The following BCL2L13 variants were observed in gnomAD, a reference collection of about 807,000 sequenced individuals.
BCL2L13 encodes the protein bcl-2-like protein 13.
A neutral mutation model predicts 25.8 loss-of-function variants in BCL2L13; 13 were observed. The observed-to-expected ratio is 0.50, with a 90% CI of 0.33 to 0.80. The LOEUF is 0.80. Among genes scored for constraint, BCL2L13 ranks in the 30% least tolerant of loss-of-function variants. The pLI is 0.02. For synonymous variants in BCL2L13, 244 were observed against 230.3 expected, an observed-to-expected ratio of 1.06 and a Z score of -0.54; for missense variants, 504 against 574.9, an observed-to-expected ratio of 0.88 and a Z score of 1.26.
At chr22:17,646,949 ATATATATTTTTTTT>A (rs2058504347) in intron 1 of BCL2L13, among the ~76,000 whole-genome samples, 3 of 22,962 alleles carry the variant, frequency 1.3e-4, no homozygotes, top group African/African-American at 5.4e-4. Flanking sequence ...ATATATATAT[ATATATATTTTTTTT>A]TTTTTTTTTT....
chr22:17,637,039 G>C (rs1458577575), upstream of BCL2L13, among the ~76,000 whole-genome samples: 2 of 151,998 alleles, frequency 1.3e-5, no homozygotes, highest in African/African-American at 4.8e-5. Context: ...TTGGGAGGCT[G>C]AGGCAGGCGG....
chr22:17,662,207 G>T (rs2059089446), intron 2 of BCL2L13, among the ~76,000 whole-genome samples: 1 of 152,160 alleles, frequency 6.6e-6, no homozygotes, highest in Non-Finnish European at 1.5e-5. Context: ...GGCTGCGCGT[G>T]GTGGCTCACG....
At chr22:17,668,838 G>T (rs1324951276) in intron 2 of BCL2L13, among the ~76,000 whole-genome samples, 2 of 152,052 alleles carry the variant, frequency 1.3e-5, no homozygotes, top group East Asian at 3.9e-4. Flanking sequence ...ATAGTACTGT[G>T]GTTTCAGTGT....
intron 6 of BCL2L13, among the ~76,000 whole-genome samples, chr22:17,707,409 A>AT (rs2060622667): frequency 6.6e-6 from 1 of 152,210 alleles, no homozygotes; most frequent in South Asian, 2.1e-4. Flanking sequence ...GGCCTCAGAA[A>AT]TATAAAACTA....
At chr22:17,691,678 T>G (rs553876479) in intron 4 of BCL2L13, among the ~76,000 whole-genome samples, 4 of 152,290 alleles carry the variant, frequency 2.6e-5, no homozygotes, top group African/African-American at 9.6e-5. Flanking sequence ...TTTTCCAAAT[T>G]TGATACAGAC....
intron 4 of BCL2L13, 113 bp downstream of exon 4, chr22:17,689,255 A>G: frequency 1.1e-6 from 1 of 885,024 alleles, no homozygotes; most frequent in Non-Finnish European, 1.6e-6. Flanking sequence ...TTCTTTTCTC[A>G]CTTTTCTTTA....
intron 6 of BCL2L13, among the ~76,000 whole-genome samples, chr22:17,711,450 A>G (rs1042915875): frequency 6.6e-6 from 1 of 151,690 alleles, no homozygotes; most frequent in African/African-American, 2.4e-5. Context: ...GGCATGCACC[A>G]CCACACTCAA....
chr22:17,679,160 G>A (rs2059658781), intron 2 of BCL2L13, among the ~76,000 whole-genome samples: 1 of 151,826 alleles, frequency 6.6e-6, no homozygotes, highest in South Asian at 2.1e-4. Context: ...TGACTTCCCT[G>A]AATGCTTCTG....
intron 3 of BCL2L13, among the ~76,000 whole-genome samples, chr22:17,687,111 T>A (rs776294766): frequency 6.6e-6 from 1 of 152,156 alleles, no homozygotes; most frequent in Non-Finnish European, 1.5e-5. Flanking sequence ...TGCAGCCTTA[T>A]AGGAGTAAGC....
rs535063997 is a variant in BCL2L13 at position 17,658,649 on chromosome 22, C to T, written c.121+2817C>T. On this transcript the variant is annotated intron_variant, in intron 2 of 6. Transcript: ENST00000317582. The stretch of plus-strand genomic sequence containing the variant: ...GCGGAGGTTGCAGTGAGCAGAGATT[C>T]CACCATTTGCACTCCAGCTCTGGGC... Among the ~76,000 whole-genome samples the T allele has an allele frequency of 3.5e-3, 496 of 143,358 alleles. 1 individual carries two copies. The highest frequency in any genetic ancestry group is 5.7e-3 in the Non-Finnish European group (380 of 66,096). The allele number at this position is 143,358 out of a possible 152,430, so 94.0% of individuals were successfully genotyped here. A position where few individuals can be genotyped will look rare whatever the true frequency, so the allele number is the denominator to read the frequency against.
chr22:17,694,942 T>C (rs1364764457), intron 4 of BCL2L13, among the ~76,000 whole-genome samples: 1 of 152,218 alleles, frequency 6.6e-6, no homozygotes, highest in East Asian at 1.9e-4. Context: ...GATGTATTAA[T>C]TGAGGTAGGC....
chr22:17,723,311 G>A (rs2061201119), intron 6 of BCL2L13, among the ~76,000 whole-genome samples: 1 of 152,092 alleles, frequency 6.6e-6, no homozygotes, highest in African/African-American at 2.4e-5. Context: ...AAGCCAATGG[G>A]CCCTCCAATT....
At position 17,644,486 on chromosome 22, in the gene BCL2L13, C is replaced by T. The variant is rs1483145413; in HGVS notation, c.-51+5600C>T. Among the ~76,000 whole-genome samples the T allele has an allele frequency of 2.0e-5, 3 of 150,946 alleles. 1 individual carries two copies. The highest frequency in any genetic ancestry group is 7.4e-5 in the African/African-American group (3 of 40,386). ...AACTGGGACTACAAGTGCGTGCCAC[C>T]ACGCCCAGCTAATTTTTGTATTTTT... is the stretch of plus-strand genomic sequence containing the variant. On this transcript the variant is annotated intron_variant, in intron 1 of 6. Coordinates refer to ENST00000317582, the MANE Select transcript of BCL2L13 (RefSeq NM_015367.4).
At chr22:17,655,908 T>C in intron 2 of BCL2L13, 76 bp downstream of exon 2, 1 of 1,391,448 alleles carries the variant, frequency 7.2e-7, no homozygotes, top group Middle Eastern at 2.6e-4. Flanking sequence ...GTATCTAATT[T>C]ATATGTGTGG....
chr22:17,712,475 C>T (rs1475535789), intron 6 of BCL2L13, among the ~76,000 whole-genome samples: 1 of 152,186 alleles, frequency 6.6e-6, no homozygotes, highest in Non-Finnish European at 1.5e-5. Flanking sequence ...GAACTTTGTG[C>T]TACCTTATAC....
intron 1 of BCL2L13, among the ~76,000 whole-genome samples, chr22:17,631,868 C>T (rs533863560): frequency 4.4e-4 from 66 of 150,696 alleles, no homozygotes; most frequent in Middle Eastern, 6.8e-3. Context: ...ACTATAGGCG[C>T]GTGCCACCAC....
chr22:17,694,225 T>C (rs1319855839), intron 4 of BCL2L13, among the ~76,000 whole-genome samples: 1 of 150,962 alleles, frequency 6.6e-6, no homozygotes, highest in Admixed American at 6.6e-5. Context: ...TTAAAATTTA[T>C]GCATGAAACC....
At chr22:17,691,683 A>G (rs1429266213) in intron 4 of BCL2L13, among the ~76,000 whole-genome samples, 1 of 152,188 alleles carries the variant, frequency 6.6e-6, no homozygotes, top group African/African-American at 2.4e-5. Flanking sequence ...CAAATTTGAT[A>G]CAGACTTTGG....
intron 1 of BCL2L13, among the ~76,000 whole-genome samples, chr22:17,645,225 ATTTTT>A (rs60836823): frequency 3.1e-3 from 306 of 97,642 alleles, no homozygotes; most frequent in Non-Finnish European, 4.9e-3. Context: ...TAATAGTAGG[ATTTTT>A]TTTTTTTTTT....
Sources: gnomAD v4.1 joint callset for allele counts (sites outside exome capture counted in the v4.1 genomes callset) on GRCh38, gnomAD v4.1.1 for gene constraint, MANE v1.5 for transcripts, NCBI Gene and HGNC (gene_info 2026-07-23, HGNC 2026-07-21) for gene names.